SCAPER: variants seen among roughly 807,000 people sequenced by gnomAD.
SCAPER encodes the protein S-phase cyclin A associated protein in the ER.
A neutral mutation model predicts 182.2 loss-of-function variants in SCAPER; 98 were observed. The observed-to-expected ratio is 0.54, with a 90% CI of 0.46 to 0.64. The LOEUF (loss-of-function observed/expected upper bound fraction) is 0.64. Among genes scored for constraint, SCAPER ranks in the 30% least tolerant of loss-of-function variants. The pLI is 0.00. For missense variants in SCAPER, 1,432 were observed against 1,690.0 expected, an observed-to-expected ratio of 0.85 and a Z score of 2.68; for synonymous variants, 605 against 564.6, an observed-to-expected ratio of 1.07 and a Z score of -1.01.
At chr15:76,696,219 G>C (rs555699742) in intron 20 of SCAPER, among the ~76,000 whole-genome samples, 2 of 152,116 alleles carry the variant, frequency 1.3e-5, no homozygotes, top group Non-Finnish European at 2.9e-5. Flanking sequence ...AATGCCAGGC[G>C]CACCCTGGCC....
intron 15 of SCAPER, among the ~76,000 whole-genome samples, chr15:76,743,164 A>G (rs1468736511): frequency 6.6e-6 from 1 of 152,150 alleles, no homozygotes; most frequent in African/African-American, 2.4e-5. Context: ...AAGTTTATCT[A>G]ACTCAAGAGA....
rs978956529 is a variant in SCAPER, at chr15:76,818,509, C to T, written c.394-13876G>A. 2.6e-5 allele frequency among the ~76,000 whole-genome samples: 4 copies of T among 152,160 alleles called. No homozygotes were observed. The South Asian group carries it at 8.3e-4, about 32-fold the overall frequency. On this transcript the variant is annotated intron_variant, in intron 5 of 31. Coordinates refer to ENST00000563290, the MANE Select transcript of SCAPER (RefSeq NM_020843.4). ...AAAAAACAATATTGAGAGAATAAGA[C>T]AAGCCACAGACAGGGAGAAAATATT...
At chr15:76,396,530 A>G (rs2044071424) in intron 27 of SCAPER, among the ~76,000 whole-genome samples, 1 of 152,060 alleles carries the variant, frequency 6.6e-6, no homozygotes, top group Non-Finnish European at 1.5e-5. Context: ...CATTGTAGAA[A>G]TCTTTCACTT....
intron 4 of SCAPER, among the ~76,000 whole-genome samples, chr15:76,849,092 A>G (rs74024631): frequency 0.014 from 2,138 of 152,264 alleles, 46 homozygotes; most frequent in African/African-American, 0.049. Context: ...CACAGCCACC[A>G]TATGGAGAGG....
At chr15:76,788,834 C>T (rs1176166852) in intron 8 of SCAPER, among the ~76,000 whole-genome samples, 1 of 152,012 alleles carries the variant, frequency 6.6e-6, no homozygotes, top group Non-Finnish European at 1.5e-5. Context: ...AACATTTTGT[C>T]CCTCTCTATT....
chr15:76,707,456 T>C (rs1384389255), intron 17 of SCAPER, among the ~76,000 whole-genome samples: 1 of 152,044 alleles, frequency 6.6e-6, no homozygotes, highest in African/African-American at 2.4e-5. Flanking sequence ...ATGTGAATAG[T>C]AGATACGGCT....
intron 14 of SCAPER, among the ~76,000 whole-genome samples, chr15:76,764,080 C>T (rs1358159335): frequency 6.6e-6 from 1 of 152,160 alleles, no homozygotes; most frequent in Non-Finnish European, 1.5e-5. Context: ...GTCACCTTCT[C>T]CAGTCTTTAT....
rs867015193 is a variant in SCAPER at position 76,707,350 on chromosome 15, T to C, written c.2166-1366A>G. Among the ~76,000 whole-genome samples the C allele has an allele frequency of 2.6e-5, 4 of 151,300 alleles. No individual in the cohort carries two copies. The East Asian group carries it at 7.7e-4, about 29-fold the overall frequency. On this transcript the variant is annotated intron_variant, in intron 17 of 31. Coordinates refer to ENST00000563290, the MANE Select transcript of SCAPER (RefSeq NM_020843.4). ...AAAAGGCAGAAATGAGCAAACCAGA[T>C]AGAAAAGCAAAACCCAACTATATAC...
At chr15:76,870,158 G>GA (rs1444575532) in intron 2 of SCAPER, among the ~76,000 whole-genome samples, 2 of 151,990 alleles carry the variant, frequency 1.3e-5, no homozygotes, top group Non-Finnish European at 1.5e-5. Flanking sequence ...TGGTTGGATA[G>GA]AAAAAATAAG....
In SCAPER at chr15:76,876,047, C is replaced by T. The variant is rs1053094821; in HGVS notation, c.6+7765G>A. Among the ~76,000 whole-genome samples, 6 of 152,302 alleles carry T rather than the reference C, an allele frequency of 3.9e-5. 1 individual carries two copies. Among genetic ancestry groups the T allele is most frequent in the African/African-American group, 1.4e-4 (6 of 41,564 alleles). ...CGGCCGGCACTGCTGGGGGACCCAG[C>T]GCACCCTCCCAGCTGCTGGCCCAGG... On this transcript the variant is annotated intron_variant, in intron 2 of 31. Coordinates refer to ENST00000563290, the MANE Select transcript of SCAPER (RefSeq NM_020843.4).
chr15:76,786,816 A>T (rs184192153), intron 8 of SCAPER, among the ~76,000 whole-genome samples: 210 of 152,340 alleles, frequency 1.4e-3, no homozygotes, highest in African/African-American at 4.7e-3. Flanking sequence ...AGGATACAAG[A>T]CCAACACTCT....
At chr15:76,507,760 T>C (rs1001253096) in intron 23 of SCAPER, among the ~76,000 whole-genome samples, 7 of 152,162 alleles carry the variant, frequency 4.6e-5, no homozygotes, top group African/African-American at 7.2e-5. Context: ...ACACTTAAGA[T>C]TAAAATTAAT....
intron 8 of SCAPER, among the ~76,000 whole-genome samples, chr15:76,776,629 G>A (rs1445252355): frequency 6.6e-6 from 1 of 152,102 alleles, no homozygotes; most frequent in African/African-American, 2.4e-5. Context: ...CCTTATGTCA[G>A]CAGAACCCAG....
At chr15:76,522,006 G>T (rs1461724887) in intron 23 of SCAPER, among the ~76,000 whole-genome samples, 3 of 152,120 alleles carry the variant, frequency 2.0e-5, no homozygotes, top group Admixed American at 6.6e-5. Context: ...CTTTTGTAGA[G>T]AATTTAATTC....
At chr15:76,689,940 T>G (rs2058259919) in intron 20 of SCAPER, among the ~76,000 whole-genome samples, 1 of 129,006 alleles carries the variant, frequency 7.8e-6, no homozygotes. Flanking sequence ...AAAAAAAAAG[T>G]CCATCTGATA....
At chr15:76,370,291 A>ATTTTTTTTTT (rs10524497) in intron 29 of SCAPER, among the ~76,000 whole-genome samples, 5 of 119,450 alleles carry the variant, frequency 4.2e-5, no homozygotes, top group African/African-American at 7.4e-5. Flanking sequence ...TACCATTTCA[A>ATTTTTTTTTT]TTTTTTTTTT....
At chr15:76,418,829 C>T (rs1255720492) in intron 26 of SCAPER, among the ~76,000 whole-genome samples, 1 of 152,240 alleles carries the variant, frequency 6.6e-6, no homozygotes, top group Non-Finnish European at 1.5e-5. Flanking sequence ...ATGGCCCTGC[C>T]TCCCCAGAGA....
At chr15:76,730,876 G>A (rs2060884856) in intron 16 of SCAPER, among the ~76,000 whole-genome samples, 1 of 152,164 alleles carries the variant, frequency 6.6e-6, no homozygotes, top group Admixed American at 6.6e-5. Flanking sequence ...CTTGCTGACT[G>A]TTTTAATGGA....
In SCAPER at chr15:76,650,923, T is replaced by C. The variant is rs113867634; in HGVS notation, c.2645+14730A>G. ...CAACAAAACACTTCTAAGTAATCAA[T>C]AGGTCAAAGAAATTAAAAGTCAAAT... On this transcript the variant is annotated intron_variant, in intron 21 of 31. Transcript: ENST00000563290. 8.0e-3 allele frequency among the ~76,000 whole-genome samples: 1,216 copies of C among 152,222 alleles called. 11 individuals are homozygous for C. The highest frequency in any genetic ancestry group is 0.028 in the African/African-American group (1,154 of 41,572).
Sources: allele counts gnomAD v4.1 joint callset (sites outside exome capture counted in the v4.1 genomes callset), GRCh38; gene constraint gnomAD v4.1.1; transcripts MANE v1.5; gene names NCBI Gene and HGNC (gene_info 2026-07-23, HGNC 2026-07-21).